Variants in PAX5 observed in about 807,000 individuals in gnomAD.
PAX5 encodes paired box protein Pax-5.
Under a neutral mutation model 43.7 loss-of-function variants are expected in PAX5, and 9 were observed. The observed-to-expected ratio is 0.21, with a 90% CI of 0.12 to 0.36. The LOEUF (loss-of-function observed/expected upper bound fraction) is 0.36. Among genes scored for constraint, PAX5 ranks in the 10% least tolerant of loss-of-function variants. The probability of loss-of-function intolerance (pLI) is 1.00; values close to 1 mark genes in which losing one functional copy is unlikely to be tolerated. For synonymous variants in PAX5, 228 were observed against 214.3 expected (o/e 1.06, Z -0.56); for missense variants, 383 against 532.7 (o/e 0.72, Z 2.77).
intron 7 of PAX5, among the ~76,000 whole-genome samples, chr9:36,889,300 C>T (rs1209289779): frequency 6.6e-6 from 1 of 152,182 alleles, no homozygotes; most frequent in Non-Finnish European, 1.5e-5. Context: ...TGAAGGCTCC[C>T]AAGCAGTTGA....
At chr9:36,848,958 C>T (rs776514651) in intron 8 of PAX5, among the ~76,000 whole-genome samples, 198 of 152,354 alleles carry the variant, frequency 1.3e-3, no homozygotes, top group Non-Finnish European at 2.2e-3. Context: ...CACCCACCAT[C>T]CTCTACCCTG....
At chr9:36,848,506 C>T (rs1417617793) in intron 8 of PAX5, among the ~76,000 whole-genome samples, 2 of 152,270 alleles carry the variant, frequency 1.3e-5, no homozygotes, top group South Asian at 2.1e-4. Flanking sequence ...AGAGGGAGAG[C>T]CCGATGACAG....
chr9:36,987,002 G>A (rs762577585), intron 5 of PAX5, among the ~76,000 whole-genome samples: 1 of 152,182 alleles, frequency 6.6e-6, no homozygotes, highest in Non-Finnish European at 1.5e-5. Flanking sequence ...ACCTGGTGCT[G>A]ACGCTGTGCC....
At chr9:36,998,859 C>A (rs7027070) in intron 5 of PAX5, among the ~76,000 whole-genome samples, 33,539 of 151,982 alleles carry the variant, frequency 0.22, 3,864 homozygotes, top group Admixed American at 0.31. Context: ...TTTTTATATG[C>A]TGACATGTTG....
chr9:36,960,807 G>T (rs1021610960), intron 6 of PAX5, among the ~76,000 whole-genome samples: 1 of 152,132 alleles, frequency 6.6e-6, no homozygotes, highest in African/African-American at 2.4e-5. Context: ...CCCCCTTGCA[G>T]CTCCCTGCCC....
chr9:36,851,201 C>G (rs1392639142), intron 8 of PAX5, among the ~76,000 whole-genome samples: 2 of 152,114 alleles, frequency 1.3e-5, no homozygotes, highest in Non-Finnish European at 2.9e-5. Context: ...CTACCTTTTC[C>G]CCAGGCCAAG....
chr9:37,017,796 CTGT>C (rs1367396761), intron 2 of PAX5, among the ~76,000 whole-genome samples: 1 of 152,234 alleles, frequency 6.6e-6, no homozygotes, highest in Non-Finnish European at 1.5e-5. Flanking sequence ...TGAGAGGTCT[CTGT>C]CGTCCTTTTG....
At chr9:37,018,875 G>A (rs1839620609) in intron 2 of PAX5, among the ~76,000 whole-genome samples, 1 of 152,126 alleles carries the variant, frequency 6.6e-6, no homozygotes, top group African/African-American at 2.4e-5. Flanking sequence ...TGGGAGATTT[G>A]GAGGCTCCAG....
At chr9:36,906,125 T>C (rs899578452) in intron 7 of PAX5, among the ~76,000 whole-genome samples, 2 of 152,192 alleles carry the variant, frequency 1.3e-5, no homozygotes, top group East Asian at 1.9e-4. Context: ...TATTTGGCCC[T>C]GGAGATGTGG....
chr9:36,864,707 C>A (rs1463492273), intron 8 of PAX5, among the ~76,000 whole-genome samples: 1 of 152,230 alleles, frequency 6.6e-6, no homozygotes, highest in Non-Finnish European at 1.5e-5. Flanking sequence ...GCAGGCCCTG[C>A]CTGCTCCCCT....
At chr9:36,929,303 G>A (rs1321402197) in intron 6 of PAX5, among the ~76,000 whole-genome samples, 1 of 150,040 alleles carries the variant, frequency 6.7e-6, no homozygotes, top group Non-Finnish European at 1.5e-5. Context: ...GGATGAGAGA[G>A]AGAGAGAGAG....
chr9:36,952,241 T>TTTA (rs1289381743), intron 6 of PAX5, among the ~76,000 whole-genome samples: 5 of 135,276 alleles, frequency 3.7e-5, no homozygotes, highest in African/African-American at 1.4e-4. Flanking sequence ...TCCCTTTTTT[T>TTTA]TTTTTTTTTT....
intron 6 of PAX5, among the ~76,000 whole-genome samples, chr9:36,924,022 C>T (rs918053015): frequency 5.3e-5 from 8 of 152,178 alleles, no homozygotes; most frequent in Admixed American, 3.3e-4. Context: ...GCTTTACCCA[C>T]CACCAACAGG....
At chr9:36,852,779 A>G (rs939090164) in intron 8 of PAX5, among the ~76,000 whole-genome samples, 2 of 152,132 alleles carry the variant, frequency 1.3e-5, no homozygotes, top group African/African-American at 2.4e-5. Flanking sequence ...ACAGATGATC[A>G]GGCCTGGGAT....
intron 6 of PAX5, among the ~76,000 whole-genome samples, chr9:36,937,816 T>A (rs1831690863): frequency 6.6e-6 from 1 of 152,208 alleles, no homozygotes; most frequent in Admixed American, 6.5e-5. Flanking sequence ...TCCTACACCG[T>A]CAACTCAGAG....
intron 6 of PAX5, among the ~76,000 whole-genome samples, chr9:36,944,493 G>A (rs114397270): frequency 0.03 from 4,534 of 152,242 alleles, 197 homozygotes; most frequent in African/African-American, 0.1. Context: ...TGAGGCTGGA[G>A]GCTTTTAATC....
chr9:37,017,559 G>A (rs951790314), intron 2 of PAX5, among the ~76,000 whole-genome samples: 2 of 152,334 alleles, frequency 1.3e-5, no homozygotes, highest in African/African-American at 2.4e-5. Context: ...AGGACAGGCA[G>A]AATCTCAGGG....
intron 5 of PAX5, among the ~76,000 whole-genome samples, chr9:36,984,364 G>A (rs1370898174): frequency 6.6e-6 from 1 of 151,524 alleles, no homozygotes; most frequent in Non-Finnish European, 1.5e-5. Context: ...TCTGAAAACA[G>A]AGTGCTTGGG....
intron 7 of PAX5, among the ~76,000 whole-genome samples, chr9:36,897,338 C>T (rs1827955257): frequency 1.3e-5 from 2 of 152,110 alleles, no homozygotes; most frequent in Non-Finnish European, 2.9e-5. Flanking sequence ...AAAGTTCAAC[C>T]AGTTTGGGGG....
Sources: allele counts gnomAD v4.1 joint callset (sites outside exome capture counted in the v4.1 genomes callset), GRCh38; gene constraint gnomAD v4.1.1; transcripts MANE v1.5; gene names NCBI Gene and HGNC (gene_info 2026-07-23, HGNC 2026-07-21).